ATP5MC3: variants seen among roughly 807,000 people sequenced by gnomAD.
The protein encoded by ATP5MC3 is ATP synthase membrane subunit c locus 3.
A neutral mutation model predicts 15.6 loss-of-function variants in ATP5MC3; 6 were observed. The observed-to-expected ratio is 0.38, with a 90% CI of 0.21 to 0.76. The LOEUF (loss-of-function observed/expected upper bound fraction) is 0.76, where lower values mean the gene tolerates loss of function less well. Ranked by LOEUF, ATP5MC3 falls within the 30% of genes least tolerant of loss-of-function variation. The pLI is 0.44. For missense variants in ATP5MC3, 132 were observed against 171.2 expected, an observed-to-expected ratio of 0.77 and a Z score of 1.28; for synonymous variants, 66 against 63.3, an observed-to-expected ratio of 1.04 and a Z score of -0.20.
In ATP5MC3 at chr2:175,177,131, C is replaced by A. The variant is rs1700699093; in HGVS notation, c.*1157G>T. The A allele has an allele frequency of 6.6e-6, 1 of 152,030 alleles. No individual in the cohort carries two copies. 9.4% of individuals were successfully genotyped at this position (152,030 alleles called of 1,614,324 possible). A position where few individuals can be genotyped will look rare whatever the true frequency, so the allele number is the denominator to read the frequency against. On this transcript the variant is annotated 3_prime_UTR_variant, in exon 5 of 5. Transcript: ENST00000284727. ...TATGCACAAAAACCACCTGGGAAGC[C>A]TTTTTAAAGATGTAGATTGCTGAGT...
chr2:175,181,456 C>T lies in ATP5MC3; in HGVS notation c.-63G>A. On this transcript the variant is annotated 5_prime_UTR_variant, in exon 2 of 5. Transcript: ENST00000284727. ...GTGACAGGCGACGTGGGCTCCTCTC[C>T]CGCTTCCTCTCTGCGGAGGAAAAGA... 1 of 1,598,488 alleles carries T rather than the reference C, an allele frequency of 6.3e-7. No individual in the cohort carries two copies. Among genetic ancestry groups the T allele is most frequent in the Non-Finnish European group, 8.6e-7 (1 of 1,169,028 alleles).
rs779012670 is a variant in ATP5MC3 at position 175,181,468 on chromosome 2, T to A, written c.-73-2A>T. The stretch of plus-strand genomic sequence containing the variant: ...GTGGGCTCCTCTCCCGCTTCCTCTC[T>A]GCGGAGGAAAAGAGGCTTAAGGTCA... On this transcript the variant is annotated splice_acceptor_variant, in intron 1 of 4. Coordinates refer to ENST00000284727, the MANE Select transcript of ATP5MC3 (RefSeq NM_001689.5). LOFTEE classifies it low-confidence loss of function (5UTR_SPLICE). 2.3e-5 allele frequency: 37 copies of A among 1,576,274 alleles called. No individual in the cohort carries two copies. Among genetic ancestry groups the A allele is most frequent in the Admixed American group, 5.2e-5 (3 of 57,376 alleles).
chr2:175,178,416 C>A lies in ATP5MC3; in HGVS notation c.315-14G>T. 2.5e-6 allele frequency: 4 copies of A among 1,580,302 alleles called. No individual in the cohort carries two copies. The highest frequency in any genetic ancestry group is 3.4e-6 in the Non-Finnish European group (4 of 1,170,372). ...AGCGAAGGGTTTCTAAAAGAGACCA[C>A]ATATGACTGTTACTTTGAAATATTA... On this transcript the variant is annotated splice_polypyrimidine_tract_variant and intron_variant, in intron 4 of 4. Coordinates refer to ENST00000284727, the MANE Select transcript of ATP5MC3 (RefSeq NM_001689.5).
Position 175,181,677 on chromosome 2 carries a change from C to A in ATP5MC3, c.-95G>T. On this transcript the variant is annotated 5_prime_UTR_variant, in exon 1 of 5. Coordinates refer to ENST00000284727, the MANE Select transcript of ATP5MC3 (RefSeq NM_001689.5). The stretch of plus-strand genomic sequence containing the variant: ...TTACCTTCCCAGGAGGCGGCGGCGG[C>A]ACGGGCTGCGGCAGAGGTCGAAGGA... 2.1e-6 allele frequency: 1 copy of A among 480,252 alleles called. No homozygotes were observed. Among genetic ancestry groups the A allele is most frequent in the Non-Finnish European group, 3.7e-6 (1 of 271,910 alleles). 29.7% of individuals were successfully genotyped at this position (480,252 alleles called of 1,614,324 possible). A position where few individuals can be genotyped will look rare whatever the true frequency, so the allele number is the denominator to read the frequency against.
At position 175,181,339 on chromosome 2, in the gene ATP5MC3, T is replaced by G. The variant is rs746985380; in HGVS notation, c.39+16A>C. The G allele has an allele frequency of 8.1e-6, 13 of 1,612,628 alleles. No individual in the cohort carries two copies. Among genetic ancestry groups the G allele is most frequent in the Non-Finnish European group, 1.1e-5 (13 of 1,179,550 alleles). ...GCCCACCCCTCAATCCCCCCGACCCTGCCTGGGCTACGCACCAGAGAGGGG... is the reference window on the plus strand; with the variant it reads ...GCCCACCCCTCAATCCCCCCGACCCGGCCTGGGCTACGCACCAGAGAGGGG... On this transcript the variant is annotated intron_variant, in intron 2 of 4. Transcript: ENST00000284727.
intron 2 of ATP5MC3, among the ~76,000 whole-genome samples, chr2:175,180,458 C>T (rs557106884): frequency 2.0e-5 from 3 of 152,184 alleles, no homozygotes; most frequent in African/African-American, 4.8e-5. Flanking sequence ...ATTGTAGTGC[C>T]GTAAGTCAAG....
intron 1 of ATP5MC3, 22 bp from the exon 2 acceptor site, chr2:175,181,488 A>C: frequency 1.3e-6 from 2 of 1,496,666 alleles, no homozygotes; most frequent in South Asian, 1.2e-5. Flanking sequence ...AAGAGGCTTA[A>C]GGTCAAGTGC....
At position 175,177,682 on chromosome 2, in the gene ATP5MC3, GATTC is replaced by G. The variant is rs1700709003; in HGVS notation, c.*602_*605del. 2 of 152,078 alleles carry G rather than the reference GATTC, an allele frequency of 1.3e-5. No individual in the cohort carries two copies. Among genetic ancestry groups the G allele is most frequent in the African/African-American group, 4.8e-5 (2 of 41,404 alleles). 9.4% of individuals were successfully genotyped at this position (152,078 alleles called of 1,614,324 possible). A position where few individuals can be genotyped will look rare whatever the true frequency, so the allele number is the denominator to read the frequency against. ...GAGCCTGTTCTGAAAAGACATGGAA[GATTC>G]ATTAGAGGCACACAATTGCTTAATG... On this transcript the variant is annotated 3_prime_UTR_variant, in exon 5 of 5. Coordinates refer to ENST00000284727, the MANE Select transcript of ATP5MC3 (RefSeq NM_001689.5).
chr2:175,178,211 GT>G lies in ATP5MC3; in HGVS notation c.*76del. On this transcript the variant is annotated 3_prime_UTR_variant, in exon 5 of 5. Transcript: ENST00000284727. ...ACATTCCCATGACACCAATACTACA[GT>G]TTTCGGAGTCACAGTAAGATACACA... 8 of 1,537,350 alleles carry G rather than the reference GT, an allele frequency of 5.2e-6. No homozygotes were observed. The South Asian group carries it at 1.0e-4, about 20-fold the overall frequency.
At chr2:175,178,925 G>A (rs374434508) in intron 4 of ATP5MC3, 132 bp downstream of exon 4, 2 of 1,339,578 alleles carry the variant, frequency 1.5e-6, no homozygotes. Context: ...GTGAGATAAT[G>A]CATACAAAGC....
intron 3 of ATP5MC3, chr2:175,179,855 G>A (rs1156912217): frequency 9.0e-6 from 4 of 443,442 alleles, no homozygotes; most frequent in East Asian, 4.7e-5. Context: ...TTAAATATAG[G>A]CAACTTAAAT....
At chr2:175,180,262 C>G in intron 2 of ATP5MC3, 84 bp from the exon 3 acceptor site, 1 of 1,040,236 alleles carries the variant, frequency 9.6e-7, no homozygotes, top group Non-Finnish European at 1.3e-6. Context: ...ACCATGAATT[C>G]TAAAAAAGCA....
chr2:175,181,268 C>T (rs1700765557), intron 2 of ATP5MC3, 87 bp downstream of exon 2: 1 of 1,496,872 alleles, frequency 6.7e-7, no homozygotes, highest in Admixed American at 2.1e-5. Context: ...GTGTGCCCCG[C>T]CCGAAGGTTG....
intron 1 of ATP5MC3, 30 bp from the exon 2 acceptor site, chr2:175,181,496 T>G (rs1700772686): frequency 6.9e-7 from 1 of 1,442,114 alleles, no homozygotes; most frequent in East Asian, 2.4e-5. Flanking sequence ...TAAGGTCAAG[T>G]GCCCTCCAGG....
In ATP5MC3 at chr2:175,181,675, G is replaced by T. The variant is rs369395914; in HGVS notation, c.-93C>A. On this transcript the variant is annotated 5_prime_UTR_variant, in exon 1 of 5. Transcript: ENST00000284727. ...ACTTACCTTCCCAGGAGGCGGCGGC[G>T]GCACGGGCTGCGGCAGAGGTCGAAG... The T allele has an allele frequency of 6.2e-6, 3 of 481,032 alleles. No individual in the cohort carries two copies. Among genetic ancestry groups the T allele is most frequent in the South Asian group, 3.3e-5 (1 of 30,768 alleles). 29.8% of individuals were successfully genotyped at this position (481,032 alleles called of 1,614,324 possible). A position where few individuals can be genotyped will look rare whatever the true frequency, so the allele number is the denominator to read the frequency against.
At chr2:175,178,970 T>C in intron 4 of ATP5MC3, 87 bp downstream of exon 4, 1 of 1,537,660 alleles carries the variant, frequency 6.5e-7, no homozygotes, top group South Asian at 1.2e-5. Context: ...GAGTAAGCAC[T>C]TAATGCAAAG....
intron 4 of ATP5MC3, 177 bp from the exon 5 acceptor site, chr2:175,178,579 AG>A: frequency 7.4e-7 from 1 of 1,344,338 alleles, no homozygotes. Flanking sequence ...TATGGTGTAA[AG>A]GTAGGGAGCT....
At chr2:175,180,753 T>A (rs1264050788) in intron 2 of ATP5MC3, among the ~76,000 whole-genome samples, 2 of 152,102 alleles carry the variant, frequency 1.3e-5, no homozygotes, top group African/African-American at 4.8e-5. Context: ...TAAATTAAGG[T>A]CACAGAAAAA....
rs34721904 is a variant in ATP5MC3, at chr2:175,180,518, C to T, written c.40-340G>A. On this transcript the variant is annotated intron_variant, in intron 2 of 4. Transcript: ENST00000284727. ...ACGTTCTTTGGCAATTTTAAGTGGA[C>T]CAACAAGTATATTAGGAGCGTCACA... Among the ~76,000 whole-genome samples the T allele has an allele frequency of 1.2e-3, 188 of 152,224 alleles. 2 individuals are homozygous for T. The highest frequency in any genetic ancestry group is 9.1e-3 in the South Asian group (44 of 4,824).
Sources: allele counts gnomAD v4.1 joint callset (sites outside exome capture counted in the v4.1 genomes callset), GRCh38; gene constraint gnomAD v4.1.1; transcripts MANE v1.5; gene names NCBI Gene and HGNC (gene_info 2026-07-23, HGNC 2026-07-21).